The following FBH1 variants were observed in gnomAD, a reference collection of about 807,000 sequenced individuals.
FBH1 encodes DNA 3'-5' helicase 1.
Under a neutral mutation model 115.5 loss-of-function variants are expected in FBH1, and 43 were observed. The observed-to-expected ratio is 0.37, with a 90% confidence interval of 0.29 to 0.48. The LOEUF (loss-of-function observed/expected upper bound fraction) is 0.48. Ranked by LOEUF, FBH1 falls within the 20% of genes least tolerant of loss-of-function variation. The pLI is 0.99. For synonymous variants in FBH1, 524 were observed against 507.8 expected, an observed-to-expected ratio of 1.03 and a Z score of -0.43; for missense variants, 1,001 against 1,337.3, an observed-to-expected ratio of 0.75 and a Z score of 3.92.
At chr10:5,904,055 G>A (rs751347225) in intron 2 of FBH1, among the ~76,000 whole-genome samples, 1 of 151,716 alleles carries the variant, frequency 6.6e-6, no homozygotes, top group Admixed American at 6.6e-5. Context: ...ATATTATCTG[G>A]TTGTCTTTTT....
At position 5,898,768 on chromosome 10, in the gene FBH1, C is replaced by T. The variant is rs552209323; in HGVS notation, c.2-4252C>T. ...GGTGAGGATTTCAGTGTGTGAATTT[C>T]AGGGACATGAACGTTGAGTACATGG... On this transcript the variant is annotated intron_variant, in intron 1 of 20. Transcript: ENST00000362091. 1.8e-4 allele frequency among the ~76,000 whole-genome samples: 28 copies of T among 152,288 alleles called. No homozygotes were observed. In the South Asian group the frequency reaches 5.8e-3, roughly 32 times the overall value.
chr10:5,923,701 G>A lies in FBH1; in HGVS notation c.2398+5G>A, dbSNP rs764256860. On this transcript the variant is annotated splice_donor_5th_base_variant and intron_variant, in intron 16 of 20. Transcript: ENST00000362091. The surrounding 1 kb of genome is among the most constrained non-coding windows in gnomAD (Gnocchi z 5.7). ...CAGAGGAAGAACGGAGGAAACGTGA[G>A]TACCCACCTGGCCTTGGTGCATTGG... is the stretch of plus-strand genomic sequence containing the variant. The A allele has an allele frequency of 6.2e-7, 1 of 1,613,478 alleles. No homozygotes were observed. Among genetic ancestry groups the A allele is most frequent in the Non-Finnish European group, 8.5e-7 (1 of 1,179,466 alleles).
Position 5,913,645 on chromosome 10 carries a change from C to T in FBH1, c.1212-102C>T. 3.9e-6 allele frequency: 3 copies of T among 773,370 alleles called. No individual in the cohort carries two copies. The highest frequency in any genetic ancestry group is 6.1e-6 in the Non-Finnish European group (3 of 492,950). The allele number at this position is 773,370 out of a possible 1,614,324, so 47.9% of individuals were successfully genotyped here. On this transcript the variant is annotated intron_variant, in intron 6 of 20. Coordinates refer to ENST00000362091, the MANE Select transcript of FBH1 (RefSeq NM_178150.3). This position sits in a 1 kb window ranked among gnomAD's most constrained non-coding sequence, Gnocchi z 4.4. ...TCCATTAAATGGTGGTAGGTATTTT[C>T]TTTTTAGAAATGGGAAGGAGTTTAA...
At chr10:5,896,831 C>G (rs531248156) in intron 1 of FBH1, among the ~76,000 whole-genome samples, 4 of 152,100 alleles carry the variant, frequency 2.6e-5, no homozygotes, top group African/African-American at 9.7e-5. Flanking sequence ...ATGCCCTTTA[C>G]AGGAGGTGTA....
At chr10:5,922,235 A>G (rs188618411) in intron 15 of FBH1, among the ~76,000 whole-genome samples, 1 of 152,374 alleles carries the variant, frequency 6.6e-6, no homozygotes, top group Non-Finnish European at 1.5e-5. Context: ...TAAAGACTAT[A>G]TAACAATGGT....
At chr10:5,894,116 T>C (rs1400700404) in intron 1 of FBH1, 18 of 985,304 alleles carry the variant, frequency 1.8e-5, no homozygotes, top group Non-Finnish European at 2.2e-5. Flanking sequence ...TTTGGATTTC[T>C]GGAGAAGCAG....
chr10:5,909,259 C>A lies in FBH1; in HGVS notation c.985C>A (p.Arg329=), dbSNP rs573293139. ...CCTCCCCGAGGCTGAGGCGTGTGTG[C>A]GGCAACACCTCCCCGACCTCTACGC... ...PLLPEAEACV[R]QHLPDLYAAA... The change falls in exon 5 of 21, where the codon CGG becomes AGG. Residue 329 remains arginine (R), a synonymous_variant. Transcript: ENST00000362091. The surrounding 1 kb of genome is among the most constrained non-coding windows in gnomAD (Gnocchi z 4.4). 1.2e-6 allele frequency: 2 copies of A among 1,612,172 alleles called. No homozygotes were observed. The highest frequency in any genetic ancestry group is 1.7e-6 in the Non-Finnish European group (2 of 1,180,008).
chr10:5,902,634 T>A (rs1341742005), intron 1 of FBH1, among the ~76,000 whole-genome samples: 1 of 152,054 alleles, frequency 6.6e-6, no homozygotes, highest in Non-Finnish European at 1.5e-5. Context: ...GCCCAGCTAA[T>A]TTTTGTATTT....
intron 2 of FBH1, among the ~76,000 whole-genome samples, chr10:5,904,749 T>G (rs1327744839): frequency 6.6e-6 from 1 of 152,158 alleles, no homozygotes; most frequent in African/African-American, 2.4e-5. Flanking sequence ...GATTTAACCC[T>G]GATCATATGG....
chr10:5,908,453 A>AACAAAG (rs1393530991), intron 3 of FBH1, among the ~76,000 whole-genome samples: 110 of 152,350 alleles, frequency 7.2e-4, no homozygotes, highest in African/African-American at 2.4e-3. Context: ...TTAGTGTTAG[A>AACAAAG]ACCAAGACCA....
In FBH1 at chr10:5,908,781, AT is replaced by A. The variant is rs374840844; in HGVS notation, c.754-136del. On this transcript the variant is annotated intron_variant, in intron 3 of 20. Coordinates refer to ENST00000362091, the MANE Select transcript of FBH1 (RefSeq NM_178150.3). ...GCCATCATGCCTGGCTAATTTTTGT[AT>A]TTTTTTTCAGTAGAGACGGGGCTTC... is the stretch of plus-strand genomic sequence containing the variant. The A allele has an allele frequency of 9.5e-4, 829 of 876,416 alleles. 16 individuals carry two copies. The East Asian group carries it at 0.015, about 16-fold the overall frequency. 54.3% of individuals were successfully genotyped at this position (876,416 alleles called of 1,614,324 possible).
Position 5,918,552 on chromosome 10 carries a change from G to A in FBH1, c.2100+74G>A. 5 of 1,456,596 alleles carry A rather than the reference G, an allele frequency of 3.4e-6. No homozygotes were observed. Among genetic ancestry groups the A allele is most frequent in the Non-Finnish European group, 4.5e-6 (5 of 1,105,720 alleles). The allele number at this position is 1,456,596 out of a possible 1,614,324, so 90.2% of individuals were successfully genotyped here. ...TTACGTGCCAGGCCCTGTGAAAGGT[G>A]GTATGCCAGGCTCACCAGATCTAGC... On this transcript the variant is annotated intron_variant, in intron 13 of 20. Transcript: ENST00000362091. This position sits in a 1 kb window ranked among gnomAD's most constrained non-coding sequence, Gnocchi z 4.0.
intron 1 of FBH1, chr10:5,894,268 T>C (rs1842890049): frequency 7.0e-7 from 1 of 1,428,468 alleles, no homozygotes; most frequent in Admixed American, 2.8e-5. Context: ...CTACAGCATT[T>C]AGTGGTATTT....
chr10:5,911,052 G>T lies in FBH1; in HGVS notation c.1135G>T (p.Asp379Tyr). The T allele has an allele frequency of 6.2e-7, 1 of 1,613,396 alleles. No homozygotes were observed. Residue 379 changes from aspartate (D) to tyrosine (Y), a missense_variant, in exon 6 of 21, where the codon GAT becomes TAT. Physicochemically the swap from Asp to Tyr is radical, Grantham distance 160. Transcript: ENST00000362091. The surrounding 1 kb of genome is among the most constrained non-coding windows in gnomAD (Gnocchi z 5.4). ...ACCCAGCTCCACGGTGACCATGCCAGATGTCACCGAGACCCTGTACTGCAT... is the reference window on the plus strand; with the variant it reads ...ACCCAGCTCCACGGTGACCATGCCATATGTCACCGAGACCCTGTACTGCAT... ...RRPSSTVTMP[D>Y]VTETLYCIAV...
chr10:5,906,985 C>T lies in FBH1; in HGVS notation c.753+353C>T, dbSNP rs1167198674. ...GACTTCTTTTTTTTTTTTTTTGAGA[C>T]AGAGTTTCCCACTGTTGCCCAGGCT... On this transcript the variant is annotated intron_variant, in intron 3 of 20. Transcript: ENST00000362091. The surrounding 1 kb of genome is among the most constrained non-coding windows in gnomAD (Gnocchi z 7.3). Among the ~76,000 whole-genome samples, 2 of 149,080 alleles carry T rather than the reference C, an allele frequency of 1.3e-5. No homozygotes were observed. Among genetic ancestry groups the T allele is most frequent in the Admixed American group, 6.7e-5 (1 of 14,990 alleles).
In FBH1 at chr10:5,936,627, A is replaced by G; in HGVS notation, c.2961+40A>G. The G allele has an allele frequency of 6.2e-7, 1 of 1,607,490 alleles. No homozygotes were observed. Among genetic ancestry groups the G allele is most frequent in the African/African-American group, 1.3e-5 (1 of 74,890 alleles). On this transcript the variant is annotated intron_variant, in intron 20 of 20. Transcript: ENST00000362091. This position sits in a 1 kb window ranked among gnomAD's most constrained non-coding sequence, Gnocchi z 5.6. ...TGTGGAACTTAATTCAGCCATTTGC[A>G]TTTTTTGCTTGTGAGCTCTGTGCTT... is the stretch of plus-strand genomic sequence containing the variant.
In FBH1 at chr10:5,911,051, A is replaced by C; in HGVS notation, c.1134A>C (p.Pro378=). ...GACCCAGCTCCACGGTGACCATGCC[A>C]GATGTCACCGAGACCCTGTACTGCA... is the stretch of plus-strand genomic sequence containing the variant. ...LRRPSSTVTM[P]DVTETLYCIA... is the part of the protein sequence containing the mutation. Residue 378 remains proline, a synonymous_variant, in exon 6 of 21, where the codon CCA becomes CCC. Transcript: ENST00000362091. This position sits in a 1 kb window ranked among gnomAD's most constrained non-coding sequence, Gnocchi z 5.4. The C allele has an allele frequency of 6.2e-7, 1 of 1,613,342 alleles. No homozygotes were observed. The highest frequency in any genetic ancestry group is 1.1e-5 in the South Asian group (1 of 91,064).
chr10:5,908,285 A>G (rs183566763), intron 3 of FBH1, among the ~76,000 whole-genome samples: 171 of 152,292 alleles, frequency 1.1e-3, no homozygotes, highest in Admixed American at 5.0e-3. Flanking sequence ...ACAGTATTTA[A>G]CAGACAGAAT....
At chr10:5,902,957 A>G in intron 1 of FBH1, 63 bp from the exon 2 acceptor site, 1 of 1,496,080 alleles carries the variant, frequency 6.7e-7, no homozygotes, top group Non-Finnish European at 9.0e-7. Flanking sequence ...TGTGCTGGCT[A>G]GCTTGTAGAA....
Sources: allele counts gnomAD v4.1 joint callset (sites outside exome capture counted in the v4.1 genomes callset), GRCh38; gene constraint gnomAD v4.1.1; non-coding constraint Gnocchi (gnomAD v3.1); transcripts MANE v1.5; gene names NCBI Gene and HGNC (gene_info 2026-07-23, HGNC 2026-07-21).